The following FSIP2 variants were observed in gnomAD, a reference collection of about 807,000 sequenced individuals.
FSIP2 encodes fibrous sheath-interacting protein 2.
Under a neutral mutation model 510.5 loss-of-function variants are expected in FSIP2, and 367 were observed. The ratio of observed to expected loss-of-function variants is 0.72; its 90% CI spans 0.66 to 0.78. The LOEUF is 0.78. Ranked by LOEUF, FSIP2 falls within the 30% of genes least tolerant of loss-of-function variation. The pLI is 0.00. For synonymous variants in FSIP2, 2,601 were observed against 2,732.2 expected (o/e 0.95, Z 1.50); for missense variants, 7,594 against 7,901.7 (o/e 0.96, Z 1.48).
chr2:185,804,336 T>G lies in FSIP2; in HGVS notation c.15030T>G (p.Asn5010Lys). The change falls in exon 17 of 23, where the codon AAT (asparagine) becomes AAG (lysine). Residue 5010 changes from asparagine (N) to lysine (K), a missense_variant. Transcript: ENST00000424728. ...EILVADNFDK[N>K]LCFSERYKEM... ...TAGTTGCAGATAACTTTGATAAAAA[T>G]TTGTGTTTCTCAGAAAGATACAAAG... is the stretch of plus-strand genomic sequence containing the variant. 6.6e-7 allele frequency: 1 copy of G among 1,505,922 alleles called. No individual in the cohort carries two copies. Among genetic ancestry groups the G allele is most frequent in the Non-Finnish European group, 8.8e-7 (1 of 1,135,184 alleles). 93.3% of individuals were successfully genotyped at this position (1,505,922 alleles called of 1,614,324 possible). A position where few individuals can be genotyped will look rare whatever the true frequency, so the allele number is the denominator to read the frequency against.
Position 185,814,035 on chromosome 2 carries a change from A to T in FSIP2, c.20318A>T (p.Gln6773Leu). ...TCTTCATCTTGGGAGGAAAAGCCCC[A>T]GTGTAAGGTAAGTGATAAGCATGAC... is the stretch of plus-strand genomic sequence containing the variant. ...TASSSWEEKP[Q>L]CKKEEKNLVT... The change falls in exon 18 of 23, where the codon CAG (glutamine) becomes CTG (leucine). Residue 6773 changes from glutamine (Q) to leucine (L), a missense_variant. Physicochemically the swap from Gln to Leu is moderately radical, Grantham distance 113. Coordinates refer to ENST00000424728, the MANE Select transcript of FSIP2 (RefSeq NM_173651.4). 1.2e-6 allele frequency: 2 copies of T among 1,610,336 alleles called. No individual in the cohort carries two copies. Among genetic ancestry groups the T allele is most frequent in the Non-Finnish European group, 1.7e-6 (2 of 1,178,222 alleles).
chr2:185,803,876 C>A lies in FSIP2; in HGVS notation c.14570C>A (p.Ala4857Glu). The A allele has an allele frequency of 6.6e-7, 1 of 1,523,156 alleles. No individual in the cohort carries two copies. The highest frequency in any genetic ancestry group is 8.8e-7 in the Non-Finnish European group (1 of 1,138,140). The allele number at this position is 1,523,156 out of a possible 1,614,324, so 94.4% of individuals were successfully genotyped here. A position where few individuals can be genotyped will look rare whatever the true frequency, so the allele number is the denominator to read the frequency against. The change falls in exon 17 of 23, where the codon GCA (alanine) becomes GAA (glutamate). Residue 4857 changes from alanine to glutamate, a missense_variant. Ala to Glu is a moderately radical substitution (Grantham distance 107). Coordinates refer to ENST00000424728, the MANE Select transcript of FSIP2 (RefSeq NM_173651.4). ...YGNKKQSMIS[A>E]KDIQSMVDSI... Reference sequence around the variant, plus strand: ...AATAAAAAACAGAGTATGATTTCAGCAAAAGATATCCAGTCTATGGTTGAT... The same window carrying A: ...AATAAAAAACAGAGTATGATTTCAGAAAAAGATATCCAGTCTATGGTTGAT...
intron 9 of FSIP2, among the ~76,000 whole-genome samples, chr2:185,759,410 TAATA>T (rs1056848796): frequency 2.7e-5 from 4 of 146,030 alleles, no homozygotes; most frequent in African/African-American, 9.9e-5. Context: ...TTACATATTA[TAATA>T]TATATTATTA....
In FSIP2 at chr2:185,804,140, C is replaced by T; in HGVS notation, c.14834C>T (p.Ser4945Leu). The T allele has an allele frequency of 2.6e-6, 4 of 1,514,776 alleles. No individual in the cohort carries two copies. The highest frequency in any genetic ancestry group is 2.6e-6 in the Non-Finnish European group (3 of 1,137,852). The allele number at this position is 1,514,776 out of a possible 1,614,324, so 93.8% of individuals were successfully genotyped here. A position where few individuals can be genotyped will look rare whatever the true frequency, so the allele number is the denominator to read the frequency against. The stretch of plus-strand genomic sequence containing the variant: ...AGAGAATTATCTTTTATTGTGAACT[C>T]ATCTGTCTTTTTGGAGGAAGTAATT... ...KQRELSFIVNSSVFLEEVISE... is the reference protein window; with the variant it reads ...KQRELSFIVNLSVFLEEVISE... The change falls in exon 17 of 23, where the codon TCA (serine) becomes TTA (leucine). Residue 4945 changes from serine to leucine, a missense_variant. Coordinates refer to ENST00000424728, the MANE Select transcript of FSIP2 (RefSeq NM_173651.4).
chr2:185,807,312 A>C lies in FSIP2; in HGVS notation c.18006A>C (p.Ser6002=), dbSNP rs1219632950. 1 of 1,612,336 alleles carries C rather than the reference A, an allele frequency of 6.2e-7. No individual in the cohort carries two copies. Among genetic ancestry groups the C allele is most frequent in the Non-Finnish European group, 8.5e-7 (1 of 1,179,132 alleles). ...QTASKECQTS[S]PYTIILPHKF... is the part of the protein sequence containing the mutation. ...CCAGCAAAGAATGTCAAACTTCATC[A>C]CCATATACAATAATATTACCTCATA... The change falls in exon 17 of 23, where the codon TCA becomes TCC. Residue 6002 remains serine (S), a synonymous_variant. Transcript: ENST00000424728.
At chr2:185,746,853 A>G (rs1426584823) in intron 6 of FSIP2, 43 bp downstream of exon 6, 6 of 1,335,430 alleles carry the variant, frequency 4.5e-6, no homozygotes, top group Non-Finnish European at 6.0e-6. Flanking sequence ...AAAATTGTGT[A>G]CAGTTGTTGC....
intron 19 of FSIP2, among the ~76,000 whole-genome samples, chr2:185,818,250 T>C (rs972231067): frequency 6.6e-6 from 1 of 151,720 alleles, no homozygotes; most frequent in South Asian, 2.1e-4. Flanking sequence ...TGAACTTGAA[T>C]GCAAGTCATT....
Position 185,801,816 on chromosome 2 carries a change from G to C in FSIP2, c.12510G>C (p.Met4170Ile). The stretch of plus-strand genomic sequence containing the variant: ...CCTCTTTAGGAAAAAAATATTTAAT[G>C]AGTTCTGATTTTAATGAAATGTCCA... ...TCSSLGKKYL[M>I]SSDFNEMSTC... Residue 4170 changes from methionine to isoleucine, a missense_variant, in exon 17 of 23, where the codon ATG (methionine) becomes ATC (isoleucine). Transcript: ENST00000424728. 1 of 1,490,090 alleles carries C rather than the reference G, an allele frequency of 6.7e-7. No homozygotes were observed. Among genetic ancestry groups the C allele is most frequent in the Non-Finnish European group, 8.9e-7 (1 of 1,124,506 alleles). The allele number at this position is 1,490,090 out of a possible 1,614,324, so 92.3% of individuals were successfully genotyped here. A position where few individuals can be genotyped will look rare whatever the true frequency, so the allele number is the denominator to read the frequency against.
Position 185,739,333 on chromosome 2 carries a change from T to C in FSIP2, c.100-13T>C. The C allele has an allele frequency of 6.6e-7, 1 of 1,517,664 alleles. No homozygotes were observed. Among genetic ancestry groups the C allele is most frequent in the Non-Finnish European group, 8.8e-7 (1 of 1,140,302 alleles). The allele number at this position is 1,517,664 out of a possible 1,614,324, so 94.0% of individuals were successfully genotyped here. A position where few individuals can be genotyped will look rare whatever the true frequency, so the allele number is the denominator to read the frequency against. The stretch of plus-strand genomic sequence containing the variant: ...TAAAAGGAAAGACAAAACTCTCCAA[T>C]TGTGTCTGACAGGGCGTGCACAAAA... On this transcript the variant is annotated splice_polypyrimidine_tract_variant and intron_variant, in intron 1 of 22. Coordinates refer to ENST00000424728, the MANE Select transcript of FSIP2 (RefSeq NM_173651.4).
In FSIP2 at chr2:185,805,413, A is replaced by G. The variant is rs1224842179; in HGVS notation, c.16107A>G (p.Gln5369=). ...AAAAATGCACATCTCATGATATTCA[A>G]AAAGGTGATGAAAGTAACATTGCTA... ...FIEKCTSHDI[Q]KGDESNIAIG... The change falls in exon 17 of 23, where the codon CAA becomes CAG. Residue 5369 remains glutamine (Q), a synonymous_variant. Coordinates refer to ENST00000424728, the MANE Select transcript of FSIP2 (RefSeq NM_173651.4). 2 of 1,603,434 alleles carry G rather than the reference A, an allele frequency of 1.2e-6. No homozygotes were observed. The highest frequency in any genetic ancestry group is 3.5e-5 in the Admixed American group (2 of 57,916).
chr2:185,826,453 A>G (rs1337049358), intron 20 of FSIP2, among the ~76,000 whole-genome samples: 1 of 151,664 alleles, frequency 6.6e-6, no homozygotes, highest in East Asian at 2.0e-4. Flanking sequence ...TCTTTCCCCT[A>G]TATCTGCATT....
rs11885851 is a variant in FSIP2 at position 185,803,494 on chromosome 2, A to C, written c.14188A>C (p.Ile4730Leu). ...LNDTKTLAAR[I>L]TNIILAEIFD... is the part of the protein sequence containing the mutation. Reference sequence around the variant, plus strand: ...TGACACAAAGACATTGGCTGCAAGAATAACTAATATCATCCTGGCTGAAAT... The same window carrying C: ...TGACACAAAGACATTGGCTGCAAGACTAACTAATATCATCCTGGCTGAAAT... Residue 4730 changes from isoleucine (I) to leucine (L), a missense_variant, in exon 17 of 23, where the codon ATA becomes CTA. Coordinates refer to ENST00000424728, the MANE Select transcript of FSIP2 (RefSeq NM_173651.4). The C allele has an allele frequency of 3.6e-3, 5,574 of 1,531,054 alleles. 158 individuals carry two copies. The African/African-American group carries it at 0.064, about 18-fold the overall frequency. 94.8% of individuals were successfully genotyped at this position (1,531,054 alleles called of 1,614,324 possible).
rs1243628837 is a variant in FSIP2, at chr2:185,743,219, T to C, written c.312T>C (p.His104=). 5 of 1,529,540 alleles carry C rather than the reference T, an allele frequency of 3.3e-6. No homozygotes were observed. Among genetic ancestry groups the C allele is most frequent in the South Asian group, 2.4e-5 (2 of 82,896 alleles). The allele number at this position is 1,529,540 out of a possible 1,614,324, so 94.7% of individuals were successfully genotyped here. ...ENQYKSLHDP[H]LKAYYKRKDI... is the part of the protein sequence containing the mutation. ...AATATAAAAGCCTCCATGATCCACA[T>C]TTAAAAGCATACTATAAGCGCAAAG... Residue 104 remains histidine, a synonymous_variant, in exon 3 of 23, where the codon CAT becomes CAC. Transcript: ENST00000424728.
At chr2:185,746,608 A>G (rs1366418556) in intron 5 of FSIP2, 61 bp from the exon 6 acceptor site, 2 of 1,296,638 alleles carry the variant, frequency 1.5e-6, no homozygotes, top group African/African-American at 3.0e-5. Flanking sequence ...GGCATAGCAG[A>G]TGATGCCATC....
chr2:185,796,095 CA>C lies in FSIP2; in HGVS notation c.8962del (p.Ile2988LeufsTer6). On this transcript the variant is annotated frameshift_variant, in exon 16 of 23. Coordinates refer to ENST00000424728, the MANE Select transcript of FSIP2 (RefSeq NM_173651.4). LOFTEE classifies it high-confidence loss of function. ...CCAAATTTCTGTGGGCTCCAGCAAC[CA>C]AATTGTTCAAGAGATTGTAGAAACG... ...KDQISVGSSN[Q>X]IVQEIVETVL... 6.5e-7 allele frequency: 1 copy of C among 1,533,412 alleles called. No homozygotes were observed. Among genetic ancestry groups the C allele is most frequent in the Non-Finnish European group, 8.7e-7 (1 of 1,145,718 alleles). The allele number at this position is 1,533,412 out of a possible 1,614,324, so 95.0% of individuals were successfully genotyped here. A position where few individuals can be genotyped will look rare whatever the true frequency, so the allele number is the denominator to read the frequency against.
Position 185,789,947 on chromosome 2 carries a change from A to T in FSIP2, c.2811A>T (p.Leu937=). ...AAGAAACCGTAGTACTCCTTCAGCT[A>T]CTTGAGGACATCCTTTTTCAGCTCC... is the stretch of plus-strand genomic sequence containing the variant. ...ASEETVVLLQ[L]LEDILFQLHQ... is the part of the protein sequence containing the mutation. Residue 937 remains leucine (L), a synonymous_variant, in exon 16 of 23, where the codon CTA becomes CTT. Coordinates refer to ENST00000424728, the MANE Select transcript of FSIP2 (RefSeq NM_173651.4). 6.5e-7 allele frequency: 1 copy of T among 1,534,322 alleles called. No individual in the cohort carries two copies. Among genetic ancestry groups the T allele is most frequent in the South Asian group, 1.2e-5 (1 of 84,028 alleles).
In FSIP2 at chr2:185,806,994, G is replaced by A. The variant is rs1433987923; in HGVS notation, c.17688G>A (p.Met5896Ile). Reference protein sequence around the residue: ...SADKMPPMHKMMRKPSSDKIP... With the variant: ...SADKMPPMHKIMRKPSSDKIP... ...ATAAAATGCCACCTATGCATAAAAT[G>A]ATGAGAAAACCTTCTTCAGATAAGA... The change falls in exon 17 of 23, where the codon ATG becomes ATA. Residue 5896 changes from methionine (M) to isoleucine (I), a missense_variant. Coordinates refer to ENST00000424728, the MANE Select transcript of FSIP2 (RefSeq NM_173651.4). 1.2e-6 allele frequency: 2 copies of A among 1,605,926 alleles called. No individual in the cohort carries two copies.
chr2:185,741,047 T>A (rs929914216), intron 2 of FSIP2, among the ~76,000 whole-genome samples: 11 of 152,158 alleles, frequency 7.2e-5, no homozygotes, highest in Non-Finnish European at 1.3e-4. Flanking sequence ...ACAACTTGAG[T>A]CACATCCACA....
In FSIP2 at chr2:185,801,896, C is replaced by T. The variant is rs1044975316; in HGVS notation, c.12590C>T (p.Thr4197Ile). The T allele has an allele frequency of 1.3e-6, 2 of 1,494,772 alleles. No individual in the cohort carries two copies. Among genetic ancestry groups the T allele is most frequent in the Non-Finnish European group, 8.9e-7 (1 of 1,118,792 alleles). 92.6% of individuals were successfully genotyped at this position (1,494,772 alleles called of 1,614,324 possible). A position where few individuals can be genotyped will look rare whatever the true frequency, so the allele number is the denominator to read the frequency against. The change falls in exon 17 of 23, where the codon ACT (threonine) becomes ATT (isoleucine). Residue 4197 changes from threonine (T) to isoleucine (I), a missense_variant. Thr to Ile is a moderately conservative substitution (Grantham distance 89, BLOSUM62 -1). Coordinates refer to ENST00000424728, the MANE Select transcript of FSIP2 (RefSeq NM_173651.4). ...SAISKHKIWFTIYDNQYLYTG... is the reference protein window; with the variant it reads ...SAISKHKIWFIIYDNQYLYTG... ...ATTTCAAAACATAAAATCTGGTTCA[C>T]TATATATGATAATCAATATCTATAT... is the stretch of plus-strand genomic sequence containing the variant.
Sources: allele counts gnomAD v4.1 joint callset (sites outside exome capture counted in the v4.1 genomes callset), GRCh38; gene constraint gnomAD v4.1.1; transcripts MANE v1.5; gene names NCBI Gene and HGNC (gene_info 2026-07-23, HGNC 2026-07-21).